The following ORC4 variants were observed in gnomAD, a reference collection of about 807,000 sequenced individuals.
ORC4 encodes the protein origin recognition complex, subunit 4 homolog.
ORC4 carries 55 observed loss-of-function variants against 63.9 expected under a neutral mutation model. The ratio of observed to expected loss-of-function variants is 0.86; its 90% confidence interval spans 0.69 to 1.08. ORC4 has a LOEUF of 1.08. Ranked by LOEUF, ORC4 falls within the 50% of genes least tolerant of loss-of-function variation. ORC4 has a pLI of 0.00. For missense variants in ORC4, 511 were observed against 504.4 expected, an observed-to-expected ratio of 1.01 and a Z score of -0.13; for synonymous variants, 150 against 168.5, an observed-to-expected ratio of 0.89 and a Z score of 0.85.
chr2:147,986,095 T>G (rs1189804628), intron 1 of ORC4, among the ~76,000 whole-genome samples: 2 of 152,242 alleles, frequency 1.3e-5, no homozygotes, highest in Non-Finnish European at 2.9e-5. Flanking sequence ...TATTTTTTTC[T>G]GTACACATCT....
upstream of ORC4, chr2:148,021,420 A>G (rs1307353000): frequency 7.4e-6 from 4 of 538,152 alleles, no homozygotes; most frequent in Non-Finnish European, 3.6e-6. Flanking sequence ...GGAGAGAAAG[A>G]AACCAAAAGC....
chr2:147,989,187 G>T (rs763921697), intron 1 of ORC4, among the ~76,000 whole-genome samples: 4 of 151,930 alleles, frequency 2.6e-5, no homozygotes, highest in African/African-American at 7.3e-5. Flanking sequence ...AAGAGAAAAA[G>T]AAAAATAAAA....
intron 1 of ORC4, among the ~76,000 whole-genome samples, chr2:148,002,192 T>C (rs914503146): frequency 6.6e-6 from 1 of 152,094 alleles, no homozygotes; most frequent in Non-Finnish European, 1.5e-5. Flanking sequence ...CTGTCAATAT[T>C]AGACAGATCA....
intron 3 of ORC4, 105 bp from the exon 4 acceptor site, chr2:147,972,934 C>T (rs1300767123): frequency 2.7e-6 from 2 of 729,910 alleles, no homozygotes; most frequent in Non-Finnish European, 4.8e-6. Context: ...AATTTCCTCT[C>T]TTCTCTCCCT....
At position 147,962,835 on chromosome 2, in the gene ORC4, T is replaced by A. The variant is rs539459446; in HGVS notation, c.226-3969A>T. ...GCAGACATACCCCTAGCTTGCCCAG[T>A]GGTCCTGTGCCCACAATCAGAGCCT... On this transcript the variant is annotated intron_variant, in intron 4 of 13. Coordinates refer to ENST00000392857, the MANE Select transcript of ORC4 (RefSeq NM_181741.4). 1.2e-4 allele frequency among the ~76,000 whole-genome samples: 18 copies of A among 152,160 alleles called. No individual in the cohort carries two copies. The South Asian group carries it at 3.5e-3, about 30-fold the overall frequency.
At chr2:147,940,259 G>A (rs1478921870) in intron 10 of ORC4, among the ~76,000 whole-genome samples, 2 of 151,996 alleles carry the variant, frequency 1.3e-5, no homozygotes, top group Non-Finnish European at 2.9e-5. Flanking sequence ...GTGGTGATTT[G>A]TGAGACTTTG....
In ORC4 at chr2:148,019,746, T is replaced by C. The variant is rs192516512; in HGVS notation, c.-18+887A>G. On this transcript the variant is annotated intron_variant, in intron 1 of 13. Transcript: ENST00000392857. ...CATATTGAGACTGTGATGCTTTATATTGATTGTATGAAAACAATGAAAAAG... is the reference window on the plus strand; with the variant it reads ...CATATTGAGACTGTGATGCTTTATACTGATTGTATGAAAACAATGAAAAAG... Among the ~76,000 whole-genome samples the C allele has an allele frequency of 2.9e-3, 441 of 152,360 alleles. 3 individuals are homozygous for C. Among genetic ancestry groups the C allele is most frequent in the African/African-American group, 3.6e-3 (149 of 41,578 alleles).
intron 4 of ORC4, among the ~76,000 whole-genome samples, chr2:147,970,918 G>A (rs1690174120): frequency 6.6e-6 from 1 of 151,974 alleles, no homozygotes; most frequent in African/African-American, 2.4e-5. Flanking sequence ...GATTGCTTGA[G>A]CTCAGGGTTC....
At position 148,004,344 on chromosome 2, in the gene ORC4, G is replaced by A. The variant is rs111892848; in HGVS notation, c.-18+16289C>T. Among the ~76,000 whole-genome samples, 4 of 152,218 alleles carry A rather than the reference G, an allele frequency of 2.6e-5. No homozygotes were observed. In the East Asian group the frequency reaches 5.8e-4, roughly 22 times the overall value. On this transcript the variant is annotated intron_variant, in intron 1 of 13. Coordinates refer to ENST00000392857, the MANE Select transcript of ORC4 (RefSeq NM_181741.4). ...AAGAGAACAAAGCTGGAGGCATCACGCTACCTGACTTCAAACTATACTATA... is the reference window on the plus strand; with the variant it reads ...AAGAGAACAAAGCTGGAGGCATCACACTACCTGACTTCAAACTATACTATA...
rs1553458407 is a variant in ORC4 at position 147,987,391 on chromosome 2, T to TATAC, written c.-17-11417_-17-11416insGTAT. ...ATGTGTGTGTGTGTGTGTATATATA[T>TATAC]ACACACACACACACACACACAAAAA... On this transcript the variant is annotated intron_variant, in intron 1 of 13. Coordinates refer to ENST00000392857, the MANE Select transcript of ORC4 (RefSeq NM_181741.4). 3.6e-3 allele frequency among the ~76,000 whole-genome samples: 486 copies of TATAC among 136,650 alleles called. 2 individuals carry two copies. Among genetic ancestry groups the TATAC allele is most frequent in the Admixed American group, 7.9e-3 (108 of 13,626 alleles). The allele number at this position is 136,650 out of a possible 152,430, so 89.6% of individuals were successfully genotyped here. A position where few individuals can be genotyped will look rare whatever the true frequency, so the allele number is the denominator to read the frequency against.
At chr2:147,944,675 C>T (rs1213220801) in intron 9 of ORC4, among the ~76,000 whole-genome samples, 1 of 143,528 alleles carries the variant, frequency 7.0e-6, no homozygotes, top group Non-Finnish European at 1.5e-5. Context: ...CAAAAATCAT[C>T]TGCATGGAAT....
chr2:147,967,835 C>T (rs1474508572), intron 4 of ORC4, among the ~76,000 whole-genome samples: 3 of 151,902 alleles, frequency 2.0e-5, no homozygotes, highest in East Asian at 1.9e-4. Context: ...GATGCCAAAT[C>T]GCTAAAGCAA....
intron 1 of ORC4, among the ~76,000 whole-genome samples, chr2:148,009,556 C>A (rs1692827183): frequency 6.6e-6 from 1 of 152,062 alleles, no homozygotes. Flanking sequence ...ATCTATCCAA[C>A]ACAGAAGCAT....
intron 8 of ORC4, among the ~76,000 whole-genome samples, chr2:147,949,767 GATAA>G (rs1429419595): frequency 6.6e-6 from 1 of 152,134 alleles, no homozygotes; most frequent in African/African-American, 2.4e-5. Flanking sequence ...AGATGTTGAG[GATAA>G]ATAAAATTAG....
intron 1 of ORC4, among the ~76,000 whole-genome samples, chr2:147,994,145 A>G (rs1194087381): frequency 6.6e-6 from 1 of 152,248 alleles, no homozygotes; most frequent in Non-Finnish European, 1.5e-5. Flanking sequence ...AAATGTAGAT[A>G]TAAATCTAAC....
intron 1 of ORC4, among the ~76,000 whole-genome samples, chr2:147,996,229 G>A (rs548701690): frequency 5.3e-5 from 8 of 152,170 alleles, no homozygotes; most frequent in East Asian, 1.9e-4. Context: ...ACTTGAACCC[G>A]GGAGGTGGAA....
At chr2:147,988,027 T>C (rs894520810) in intron 1 of ORC4, among the ~76,000 whole-genome samples, 6 of 144,528 alleles carry the variant, frequency 4.2e-5, no homozygotes, top group Non-Finnish European at 7.5e-5. Context: ...CACTCCAGCC[T>C]GGGCAACAGA....
chr2:148,021,155 G>A (rs891552633), upstream of ORC4: 7 of 157,422 alleles, frequency 4.4e-5, no homozygotes, highest in South Asian at 3.2e-4. Context: ...CAGAGGGGGG[G>A]CACCTTTTAT....
At chr2:147,973,325 T>G in intron 3 of ORC4, 123 bp downstream of exon 3, 2 of 707,598 alleles carry the variant, frequency 2.8e-6, no homozygotes, top group South Asian at 3.2e-5. Context: ...AAAGCAAAAT[T>G]TTTTATTTCT....
Sources: gnomAD v4.1 joint callset for allele counts (sites outside exome capture counted in the v4.1 genomes callset) on GRCh38, gnomAD v4.1.1 for gene constraint, MANE v1.5 for transcripts, NCBI Gene and HGNC (gene_info 2026-07-23, HGNC 2026-07-21) for gene names.